The following CTNNA3 variants were observed in gnomAD, a reference collection of about 807,000 sequenced individuals.
The protein encoded by CTNNA3 is catenin alpha-3.
Under a neutral mutation model 95.7 loss-of-function variants are expected in CTNNA3, and 76 were observed. The observed-to-expected ratio is 0.79, with a 90% CI of 0.66 to 0.96. The LOEUF is 0.96. CTNNA3 is among the 40% of genes least tolerant of loss of function. The pLI is 0.00. For synonymous variants in CTNNA3, 431 were observed against 374.4 expected (o/e 1.15, Z -1.74); for missense variants, 1,191 against 1,089.8 (o/e 1.09, Z -1.31).
chr10:67,684,833 T>G (rs1040945422), intron 1 of CTNNA3, among the ~76,000 whole-genome samples: 1 of 152,158 alleles, frequency 6.6e-6, no homozygotes, highest in African/African-American at 2.4e-5. Context: ...ATTGCTGTCA[T>G]GGGACCTAGA....
chr10:67,593,615 G>A (rs1842847201), intron 3 of CTNNA3, among the ~76,000 whole-genome samples: 1 of 152,168 alleles, frequency 6.6e-6, no homozygotes, highest in African/African-American at 2.4e-5. Context: ...TTTGTATCCT[G>A]AAAGTTTGCT....
In CTNNA3 at chr10:67,097,822, G is replaced by T. The variant is rs1180060944; in HGVS notation, c.1047+82495C>A. 4 of 1,606,926 alleles carry T rather than the reference G, an allele frequency of 2.5e-6. No individual in the cohort carries two copies. In the Admixed American group the frequency reaches 6.7e-5, roughly 27 times the overall value. The stretch of plus-strand genomic sequence containing the variant: ...CTGAGATCATTGGTAGCCAGGGGTT[G>T]CTACCAAACTTTGTAACCTCAAGGA... On this transcript the variant is annotated intron_variant, in intron 7 of 17. Coordinates refer to ENST00000433211, the MANE Select transcript of CTNNA3 (RefSeq NM_013266.4).
intron 5 of CTNNA3, among the ~76,000 whole-genome samples, chr10:67,226,156 C>T (rs1405647688): frequency 6.6e-6 from 1 of 151,974 alleles, no homozygotes; most frequent in Non-Finnish European, 1.5e-5. Flanking sequence ...TCAAATTAAC[C>T]CAATCCAACA....
At position 66,346,127 on chromosome 10, in the gene CTNNA3, T is replaced by C. The variant is rs2092508734; in HGVS notation, c.1732+33025A>G. On this transcript the variant is annotated intron_variant, in intron 12 of 17. Coordinates refer to ENST00000433211, the MANE Select transcript of CTNNA3 (RefSeq NM_013266.4). ...TTTAGTTGGAAACCATTGCCTTCTG[T>C]TCTCATGTTAGAAAGAATGTGGAAT... 2.0e-5 allele frequency among the ~76,000 whole-genome samples: 3 copies of C among 150,184 alleles called. No individual in the cohort carries two copies. The South Asian group carries it at 6.3e-4, about 32-fold the overall frequency.
At chr10:67,244,380 G>A (rs1456914464) in intron 5 of CTNNA3, among the ~76,000 whole-genome samples, 2 of 152,160 alleles carry the variant, frequency 1.3e-5, no homozygotes, top group African/African-American at 4.8e-5. Flanking sequence ...TCTCACACTT[G>A]ACATGCTTTT....
chr10:66,508,864 T>C (rs536162269), intron 11 of CTNNA3, among the ~76,000 whole-genome samples: 2 of 152,280 alleles, frequency 1.3e-5, no homozygotes, highest in African/African-American at 4.8e-5. Flanking sequence ...CAGATATTTC[T>C]TTAATACAAT....
At chr10:66,528,366 C>G (rs1841342512) in intron 10 of CTNNA3, among the ~76,000 whole-genome samples, 1 of 152,164 alleles carries the variant, frequency 6.6e-6, no homozygotes, top group African/African-American at 2.4e-5. Context: ...TTACTACATT[C>G]TAAACTCATT....
chr10:66,015,125 A>ATAATAATAAT (rs368221330), intron 15 of CTNNA3, among the ~76,000 whole-genome samples: 3 of 130,094 alleles, frequency 2.3e-5, no homozygotes, highest in Non-Finnish European at 3.4e-5. Context: ...AATAATAATA[A>ATAATAATAAT]AATAAAATAA....
At chr10:66,013,299 T>C (rs2079038131) in intron 15 of CTNNA3, among the ~76,000 whole-genome samples, 1 of 152,232 alleles carries the variant, frequency 6.6e-6, no homozygotes, top group Non-Finnish European at 1.5e-5. Context: ...TAGCATATTA[T>C]ATCAACCATT....
intron 7 of CTNNA3, among the ~76,000 whole-genome samples, chr10:66,831,227 A>C (rs1842710153): frequency 6.6e-6 from 1 of 152,146 alleles, no homozygotes; most frequent in African/African-American, 2.4e-5. Flanking sequence ...TTATTTCTTT[A>C]AACTCCCCAG....
chr10:66,947,927 A>T (rs969676008), intron 7 of CTNNA3, among the ~76,000 whole-genome samples: 3 of 152,208 alleles, frequency 2.0e-5, no homozygotes, highest in Non-Finnish European at 2.9e-5. Flanking sequence ...AACCTAGATG[A>T]CAGTCTACTA....
chr10:67,176,538 A>G (rs946725898), intron 7 of CTNNA3, among the ~76,000 whole-genome samples: 2 of 152,216 alleles, frequency 1.3e-5, no homozygotes, highest in East Asian at 1.9e-4. Flanking sequence ...TCCACCAAAG[A>G]GACTAGGGAA....
At chr10:67,330,414 T>C (rs907436521) in intron 5 of CTNNA3, among the ~76,000 whole-genome samples, 1 of 152,234 alleles carries the variant, frequency 6.6e-6, no homozygotes, top group Admixed American at 6.5e-5. Context: ...CAGTAAGATC[T>C]ACTCCTAGGA....
intron 9 of CTNNA3, among the ~76,000 whole-genome samples, chr10:66,671,745 CA>C (rs1217553104): frequency 6.6e-6 from 1 of 152,160 alleles, no homozygotes; most frequent in East Asian, 1.9e-4. Flanking sequence ...ACCTAGATTT[CA>C]GTCCCATTTG....
chr10:66,658,226 TTC>T (rs10659165), intron 9 of CTNNA3, among the ~76,000 whole-genome samples: 1,753 of 148,800 alleles, frequency 0.012, 15 homozygotes, highest in Middle Eastern at 0.038. Context: ...CTCTCTCTCT[TTC>T]TCTCTCTCTC....
At chr10:67,036,150 T>C (rs914012771) in intron 7 of CTNNA3, among the ~76,000 whole-genome samples, 1 of 152,106 alleles carries the variant, frequency 6.6e-6, no homozygotes, top group Admixed American at 6.6e-5. Context: ...GGATTTATTT[T>C]ATTTTATTTT....
intron 17 of CTNNA3, among the ~76,000 whole-genome samples, chr10:65,964,319 T>G (rs2077913311): frequency 6.6e-6 from 1 of 152,202 alleles, no homozygotes; most frequent in Non-Finnish European, 1.5e-5. Context: ...AAAGGGGGCA[T>G]GCTCTCCTTT....
chr10:65,996,366 G>T (rs2078660041), intron 15 of CTNNA3, among the ~76,000 whole-genome samples: 1 of 152,120 alleles, frequency 6.6e-6, no homozygotes, highest in Non-Finnish European at 1.5e-5. Flanking sequence ...GGTGCAAGTT[G>T]CTGTGTGTTC....
intron 2 of CTNNA3, among the ~76,000 whole-genome samples, chr10:67,640,103 C>A (rs971623427): frequency 6.6e-6 from 1 of 152,108 alleles, no homozygotes; most frequent in Admixed American, 6.5e-5. Flanking sequence ...ATCTAGAAAA[C>A]CCCATTGTCT....
Sources: gnomAD v4.1 joint callset for allele counts (sites outside exome capture counted in the v4.1 genomes callset) on GRCh38, gnomAD v4.1.1 for gene constraint, MANE v1.5 for transcripts, NCBI Gene and HGNC (gene_info 2026-07-23, HGNC 2026-07-21) for gene names.